Variants in DLG1 observed in about 807,000 individuals in gnomAD.
DLG1 encodes the protein disks large homolog 1.
A neutral mutation model predicts 123.4 loss-of-function variants in DLG1; 42 were observed. The observed-to-expected ratio is 0.34, with a 90% confidence interval of 0.27 to 0.44. The LOEUF (loss-of-function observed/expected upper bound fraction) is 0.44. Ranked by LOEUF, DLG1 falls within the 20% of genes least tolerant of loss-of-function variation. The pLI, the probability that DLG1 is intolerant of heterozygous loss-of-function variation, is 1.00. For synonymous variants in DLG1, 317 were observed against 356.2 expected (o/e 0.89, Z 1.24); for missense variants, 942 against 1,082.6 (o/e 0.87, Z 1.82).
chr3:197,226,532 T>C (rs1740046569), intron 4 of DLG1, among the ~76,000 whole-genome samples: 1 of 152,214 alleles, frequency 6.6e-6, no homozygotes, highest in Non-Finnish European at 1.5e-5. Flanking sequence ...TAAAATATAG[T>C]TTTAATGGTA....
At chr3:197,241,552 C>T (rs1337774353) in intron 4 of DLG1, among the ~76,000 whole-genome samples, 1 of 152,000 alleles carries the variant, frequency 6.6e-6, no homozygotes, top group Non-Finnish European at 1.5e-5. Context: ...GTATGCAATC[C>T]ACTCACGACT....
intron 4 of DLG1, among the ~76,000 whole-genome samples, chr3:197,241,103 T>C (rs1748615266): frequency 6.6e-6 from 1 of 151,610 alleles, no homozygotes; most frequent in African/African-American, 2.4e-5. Flanking sequence ...CATATAATAA[T>C]CAAATTTGAA....
At chr3:197,295,378 T>C (rs868796210) in intron 3 of DLG1, among the ~76,000 whole-genome samples, 6 of 152,052 alleles carry the variant, frequency 3.9e-5, no homozygotes, top group East Asian at 1.9e-4. Flanking sequence ...TATCAACAGA[T>C]AGATGTAAGG....
chr3:197,115,882 T>A (rs1471462333), intron 13 of DLG1, 45 bp downstream of exon 13: 1 of 1,587,222 alleles, frequency 6.3e-7, no homozygotes. Context: ...TAAAAATAGG[T>A]CCAGTGAAAA....
Position 197,076,704 on chromosome 3 carries a change from G to A in DLG1, c.1906-19C>T, listed in dbSNP as rs1213240531. The A allele has an allele frequency of 3.8e-6, 6 of 1,594,466 alleles. No individual in the cohort carries two copies. Among genetic ancestry groups the A allele is most frequent in the Non-Finnish European group, 5.2e-6 (6 of 1,163,456 alleles). On this transcript the variant is annotated intron_variant, in intron 17 of 24. Coordinates refer to ENST00000667157, the MANE Select transcript of DLG1 (RefSeq NM_001366207.1). ...ATGACTGCTGAAGAAGAGAAGGAGG[G>A]GCAAAACAAAGGGATGTCTACTGTC...
chr3:197,063,491 G>A (rs1289424281), intron 22 of DLG1, among the ~76,000 whole-genome samples: 2 of 151,852 alleles, frequency 1.3e-5, no homozygotes, highest in Middle Eastern at 3.2e-3. Flanking sequence ...GCAGAGATTT[G>A]TATTTTCCCA....
At chr3:197,229,291 G>A (rs983433257) in intron 4 of DLG1, among the ~76,000 whole-genome samples, 2 of 151,602 alleles carry the variant, frequency 1.3e-5, no homozygotes, top group African/African-American at 4.9e-5. Flanking sequence ...CCAGAAGTTC[G>A]AGACCAGCCT....
At chr3:197,244,646 G>C in intron 4 of DLG1, among the ~76,000 whole-genome samples, 1 of 151,466 alleles carries the variant, frequency 6.6e-6, no homozygotes, top group East Asian at 1.9e-4. Context: ...GAACAATAGC[G>C]CATGACTTTG....
chr3:197,260,170 G>A (rs997196456), intron 4 of DLG1: 17 of 337,352 alleles, frequency 5.0e-5, no homozygotes, highest in African/African-American at 3.7e-4. Context: ...TATAACAATG[G>A]TTACACCTTA....
chr3:197,193,577 T>G (rs1239160833), intron 5 of DLG1, among the ~76,000 whole-genome samples: 2 of 152,144 alleles, frequency 1.3e-5, no homozygotes, highest in Non-Finnish European at 2.9e-5. Flanking sequence ...AATAGAAAAC[T>G]CTAAAGCAGT....
chr3:197,225,816 T>A (rs1739588735), intron 4 of DLG1: 1 of 152,662 alleles, frequency 6.6e-6, no homozygotes, highest in Non-Finnish European at 1.5e-5. Context: ...ACTATTGGAT[T>A]TTAAAACCAA....
chr3:197,045,577 T>TA (rs35371226), intron 24 of DLG1, among the ~76,000 whole-genome samples: 47,699 of 142,680 alleles, frequency 0.33, 9,037 homozygotes, highest in East Asian at 0.71. Context: ...CCTGTGTATT[T>TA]AAAAAAAAAA....
chr3:197,265,879 G>A lies in DLG1; in HGVS notation c.318+16800C>T, dbSNP rs147747993. On this transcript the variant is annotated intron_variant, in intron 4 of 24. Coordinates refer to ENST00000667157, the MANE Select transcript of DLG1 (RefSeq NM_001366207.1). ...AGCCTGACCAACATGGTGAAACCCC[G>A]TCTCTACCAAAAATACAAAAATTAG... Among the ~76,000 whole-genome samples, 364 of 152,174 alleles carry A rather than the reference G, an allele frequency of 2.4e-3. 2 individuals carry two copies. Among genetic ancestry groups the A allele is most frequent in the African/African-American group, 8.0e-3 (333 of 41,526 alleles).
At chr3:197,183,493 A>T in intron 5 of DLG1, 11 of 1,276,328 alleles carry the variant, frequency 8.6e-6, no homozygotes, top group African/African-American at 1.5e-5. Flanking sequence ...TTCTTTAAAT[A>T]AAAAATCTAT....
intron 14 of DLG1, among the ~76,000 whole-genome samples, chr3:197,103,442 T>C (rs546204490): frequency 6.6e-5 from 10 of 152,172 alleles, no homozygotes; most frequent in African/African-American, 2.2e-4. Flanking sequence ...GGCTTCCATA[T>C]AGTGTACCTA....
At chr3:197,077,463 TACTG>T (rs1475401518) in intron 17 of DLG1, among the ~76,000 whole-genome samples, 1 of 152,132 alleles carries the variant, frequency 6.6e-6, no homozygotes, top group Non-Finnish European at 1.5e-5. Flanking sequence ...ATGCTATCAG[TACTG>T]ACTTATTTAT....
intron 13 of DLG1, among the ~76,000 whole-genome samples, chr3:197,106,424 C>A (rs3906480): frequency 1.1e-4 from 16 of 148,912 alleles, no homozygotes; most frequent in African/African-American, 3.0e-4. Context: ...CAGCCCCCCC[C>A]ACCCCCCTCA....
At chr3:197,058,758 ATT>A (rs1228322382) in intron 23 of DLG1, among the ~76,000 whole-genome samples, 1 of 152,024 alleles carries the variant, frequency 6.6e-6, no homozygotes, top group Admixed American at 6.5e-5. Flanking sequence ...TGATTTTTAT[ATT>A]TGTTTTCTTA....
At chr3:197,083,316 A>C (rs1239326313) in intron 16 of DLG1, among the ~76,000 whole-genome samples, 3 of 152,230 alleles carry the variant, frequency 2.0e-5, no homozygotes, top group Non-Finnish European at 4.4e-5. Flanking sequence ...AATAAGAAAA[A>C]GATGTTTATT....
Sources: allele counts gnomAD v4.1 joint callset (sites outside exome capture counted in the v4.1 genomes callset), GRCh38; gene constraint gnomAD v4.1.1; transcripts MANE v1.5; gene names NCBI Gene and HGNC (gene_info 2026-07-23, HGNC 2026-07-21).